Variants in NOTCH2NLC observed in about 807,000 individuals in gnomAD.
NOTCH2NLC encodes notch 2 N-terminal like C, also known as notch homolog 2 N-terminal-like protein C.
Under a neutral mutation model 17.7 loss-of-function variants are expected in NOTCH2NLC, and 4 were observed. The ratio of observed to expected loss-of-function variants is 0.23; its 90% confidence interval spans 0.11 to 0.52. NOTCH2NLC has a LOEUF of 0.52. Among genes scored for constraint, NOTCH2NLC ranks in the 20% least tolerant of loss-of-function variants. The pLI, the probability that NOTCH2NLC is intolerant of heterozygous loss-of-function variation, is 0.96. For missense variants in NOTCH2NLC, 57 were observed against 207.2 expected (o/e 0.28, Z 4.45); for synonymous variants, 18 against 86.0 (o/e 0.21, Z 4.38).
At chr1:149,394,872 A>T (rs1453703953) in intron 1 of NOTCH2NLC, among the ~76,000 whole-genome samples, 1 of 150,476 alleles carries the variant, frequency 6.6e-6, no homozygotes, top group Non-Finnish European at 1.5e-5. Context: ...TCAGCCTACC[A>T]TATGTGTAGT....
chr1:149,421,355 C>T (rs1481575734), intron 1 of NOTCH2NLC, among the ~76,000 whole-genome samples: 22 of 149,648 alleles, frequency 1.5e-4, no homozygotes, highest in South Asian at 1.3e-3. Flanking sequence ...AAAAATTAGC[C>T]GGATATGGTG....
At chr1:149,437,126 G>T (rs2084486698) in intron 2 of NOTCH2NLC, among the ~76,000 whole-genome samples, 2 of 141,392 alleles carry the variant, frequency 1.4e-5, no homozygotes, top group African/African-American at 5.3e-5. Context: ...GTAAAGCCAA[G>T]TATGAAAAAA....
chr1:149,396,421 ATCT>A (rs1445943331), intron 1 of NOTCH2NLC, among the ~76,000 whole-genome samples: 2 of 134,996 alleles, frequency 1.5e-5, no homozygotes, highest in African/African-American at 2.8e-5. Context: ...TCTTAGAAAG[ATCT>A]TCTTATATTC....
chr1:149,413,144 A>G (rs1233030028), intron 1 of NOTCH2NLC, among the ~76,000 whole-genome samples: 1 of 150,450 alleles, frequency 6.6e-6, no homozygotes, highest in Non-Finnish European at 1.5e-5. Flanking sequence ...CTGACCTCAA[A>G]TGATCCACCT....
intron 3 of NOTCH2NLC, among the ~76,000 whole-genome samples, chr1:149,457,679 G>A (rs2084621364): frequency 6.7e-6 from 1 of 148,440 alleles, no homozygotes; most frequent in African/African-American, 2.5e-5. Context: ...TTCGATATTT[G>A]AGGGCAGGAA....
rs2084675341 is a variant in NOTCH2NLC, at chr1:149,464,795, G to A, written c.*642G>A. ...AAGGAAAACTGTAGGGGGGAGTAAT[G>A]TGCTAAGTAAGCAGAATTGCCTCCA... On this transcript the variant is annotated 3_prime_UTR_variant, in exon 5 of 5. Transcript: ENST00000650865. 1 of 151,568 alleles carries A rather than the reference G, an allele frequency of 6.6e-6. No homozygotes were observed. The highest frequency in any genetic ancestry group is 2.4e-5 in the African/African-American group (1 of 41,176). 9.4% of individuals were successfully genotyped at this position (151,568 alleles called of 1,614,324 possible). A position where few individuals can be genotyped will look rare whatever the true frequency, so the allele number is the denominator to read the frequency against.
chr1:149,429,157 CTT>C (rs1360776981), intron 1 of NOTCH2NLC, among the ~76,000 whole-genome samples: 3 of 148,614 alleles, frequency 2.0e-5, no homozygotes, highest in Non-Finnish European at 4.5e-5. Context: ...CCTGGTGACT[CTT>C]TGTGTGATCC....
intron 1 of NOTCH2NLC, among the ~76,000 whole-genome samples, chr1:149,424,943 T>A (rs2084404802): frequency 6.6e-6 from 1 of 151,296 alleles, no homozygotes; most frequent in African/African-American, 2.4e-5. Context: ...ATGAGAGATC[T>A]GCCCCCATAA....
chr1:149,460,333 CTT>C (rs1226789458), intron 3 of NOTCH2NLC, among the ~76,000 whole-genome samples: 14 of 92,926 alleles, frequency 1.5e-4, no homozygotes, highest in African/African-American at 5.1e-4. Flanking sequence ...TTCTGATCAC[CTT>C]TTTTTTTTTT....
intron 3 of NOTCH2NLC, among the ~76,000 whole-genome samples, chr1:149,460,916 TC>T (rs1188112594): frequency 3.6e-4 from 47 of 131,152 alleles, no homozygotes; most frequent in Middle Eastern, 3.8e-3. Flanking sequence ...TCTTTCTTTC[TC>T]TCTCTTTCTC....
chr1:149,450,471 CA>C (rs1386288910), intron 2 of NOTCH2NLC, among the ~76,000 whole-genome samples: 5 of 113,660 alleles, frequency 4.4e-5, no homozygotes, highest in African/African-American at 6.8e-5. Flanking sequence ...TAACTCCAAG[CA>C]TTTATTAAAT....
At chr1:149,423,004 C>CA (rs1234067041) in intron 1 of NOTCH2NLC, among the ~76,000 whole-genome samples, 2 of 145,196 alleles carry the variant, frequency 1.4e-5, no homozygotes, top group Non-Finnish European at 3.0e-5. Context: ...ATTAGTAATA[C>CA]AAAAAATATT....
At chr1:149,429,530 A>C in intron 1 of NOTCH2NLC, among the ~76,000 whole-genome samples, 1 of 150,722 alleles carries the variant, frequency 6.6e-6, no homozygotes, top group East Asian at 2.0e-4. Context: ...TAATTTATGT[A>C]AAGTACTTAG....
In NOTCH2NLC at chr1:149,400,018, G is replaced by A. The variant is rs1444259717; in HGVS notation, c.135+9096G>A. On this transcript the variant is annotated intron_variant, in intron 1 of 4. Transcript: ENST00000650865. ...AAGGATGTTTGAAGAATCTAGAAAA[G>A]CGTAAATAAAATGTCCACAATCATG... 5.4e-4 allele frequency among the ~76,000 whole-genome samples: 81 copies of A among 149,228 alleles called. 2 individuals are homozygous for A. The highest frequency in any genetic ancestry group is 1.8e-3 in the African/African-American group (75 of 40,880).
At chr1:149,457,520 A>AAT (rs1232113673) in intron 3 of NOTCH2NLC, among the ~76,000 whole-genome samples, 7 of 140,808 alleles carry the variant, frequency 5.0e-5, no homozygotes, top group Admixed American at 2.9e-4. Flanking sequence ...TGGCAATCTT[A>AAT]ATATATATAT....
chr1:149,423,415 T>C (rs1358809564), intron 1 of NOTCH2NLC, among the ~76,000 whole-genome samples: 1 of 151,406 alleles, frequency 6.6e-6, no homozygotes, highest in Non-Finnish European at 1.5e-5. Flanking sequence ...ATACAAAATT[T>C]AGAGAAAGTT....
intron 1 of NOTCH2NLC, among the ~76,000 whole-genome samples, chr1:149,413,441 ATG>A (rs1448205623): frequency 6.6e-6 from 1 of 151,226 alleles, no homozygotes; most frequent in Non-Finnish European, 1.5e-5. Flanking sequence ...GCAGATAAAG[ATG>A]TGACATTTCT....
Position 149,390,802 on chromosome 1 carries a change from A to AGGCGGCGGCGGCGGCGGGGGC in NOTCH2NLC, c.32_33insGGGCGGCGGCGGCGGCGGCGG (p.Gly12_Gly18dup). On this transcript the variant is annotated inframe_insertion, in exon 1 of 5. Coordinates refer to ENST00000650865, the MANE Select transcript of NOTCH2NLC (RefSeq NM_001364013.2). ...ACCCCCTCCCCATGTGGATCTGCCC[A>AGGCGGCGGCGGCGGCGGGGGC]GGCGGCGGCGGCGGCGGCGGCGGCG... 2 of 948,690 alleles carry AGGCGGCGGCGGCGGCGGGGGC rather than the reference A, an allele frequency of 2.1e-6. No individual in the cohort carries two copies. Among genetic ancestry groups the AGGCGGCGGCGGCGGCGGGGGC allele is most frequent in the Middle Eastern group, 3.8e-4 (1 of 2,612 alleles). The allele number at this position is 948,690 out of a possible 1,614,324, so 58.8% of individuals were successfully genotyped here.
At chr1:149,398,314 A>G (rs1225610093) in intron 1 of NOTCH2NLC, among the ~76,000 whole-genome samples, 1 of 149,470 alleles carries the variant, frequency 6.7e-6, no homozygotes, top group African/African-American at 2.5e-5. Context: ...TGTTGTGTCT[A>G]TTATGTCTGT....
Sources: gnomAD v4.1 joint callset for allele counts (sites outside exome capture counted in the v4.1 genomes callset) on GRCh38, gnomAD v4.1.1 for gene constraint, MANE v1.5 for transcripts, NCBI Gene and HGNC (gene_info 2026-07-23, HGNC 2026-07-21) for gene names.